ERC1: variants seen among roughly 807,000 people sequenced by gnomAD.
The protein encoded by ERC1 is RAB6 interacting protein 2.
A neutral mutation model predicts 132.0 loss-of-function variants in ERC1; 56 were observed. The observed-to-expected ratio is 0.42, with a 90% CI of 0.34 to 0.53. ERC1 has a LOEUF of 0.53. Among genes scored for constraint, ERC1 ranks in the 20% least tolerant of loss-of-function variants. The pLI is 0.03. For synonymous variants in ERC1, 478 were observed against 476.1 expected, an observed-to-expected ratio of 1.00 and a Z score of -0.05; for missense variants, 1,202 against 1,349.9, an observed-to-expected ratio of 0.89 and a Z score of 1.72.
chr12:1,378,888 T>C (rs2088270425), intron 16 of ERC1, among the ~76,000 whole-genome samples: 1 of 152,176 alleles, frequency 6.6e-6, no homozygotes, highest in Non-Finnish European at 1.5e-5. Context: ...AGTTAGGGTA[T>C]TTTATACCTA....
chr12:1,450,283 C>T (rs2093397454), intron 18 of ERC1, among the ~76,000 whole-genome samples: 1 of 152,174 alleles, frequency 6.6e-6, no homozygotes, highest in Admixed American at 6.5e-5. Flanking sequence ...CTCTTTTCAT[C>T]TTGCAGAACT....
intron 3 of ERC1, among the ~76,000 whole-genome samples, chr12:1,090,991 G>A (rs543576008): frequency 1.4e-5 from 2 of 138,846 alleles, no homozygotes; most frequent in East Asian, 2.3e-4. Context: ...TCCACCTCCC[G>A]GGTTCAAGCT....
intron 18 of ERC1, among the ~76,000 whole-genome samples, chr12:1,487,852 A>C (rs887069338): frequency 4.0e-5 from 6 of 151,862 alleles, no homozygotes; most frequent in African/African-American, 1.5e-4. Flanking sequence ...GGAAAGAGAG[A>C]AAAAGGCCAG....
intron 2 of ERC1, among the ~76,000 whole-genome samples, chr12:1,048,329 T>G (rs1971403196): frequency 1.3e-5 from 2 of 152,250 alleles, no homozygotes; most frequent in African/African-American, 4.8e-5. Flanking sequence ...AAAATGTGAC[T>G]GTGCAGGTTG....
intron 18 of ERC1, among the ~76,000 whole-genome samples, chr12:1,474,180 G>A (rs185333301): frequency 2.0e-5 from 3 of 152,216 alleles, no homozygotes; most frequent in Non-Finnish European, 4.4e-5. Context: ...CATCATGCCA[G>A]ATTACAGCTC....
intron 17 of ERC1, among the ~76,000 whole-genome samples, chr12:1,426,552 T>C (rs1047573029): frequency 1.3e-5 from 2 of 152,232 alleles, no homozygotes; most frequent in Non-Finnish European, 2.9e-5. Context: ...TCAATTACTT[T>C]TGAATAACTT....
rs142120804 is a variant in ERC1, at chr12:1,166,202, C to T, written c.1738-14338C>T. Among the ~76,000 whole-genome samples the T allele has an allele frequency of 3.3e-3, 508 of 152,234 alleles. 4 individuals are homozygous for T. The highest frequency in any genetic ancestry group is 0.012 in the African/African-American group (486 of 41,528). On this transcript the variant is annotated intron_variant, in intron 8 of 18. Transcript: ENST00000360905. ...GTTCCCATGTATTGTGCGAGGGACC[C>T]AGTGGGAGGCAATTGCATCATGGGA...
intron 8 of ERC1, among the ~76,000 whole-genome samples, chr12:1,143,329 CGTGTGTG>C (rs1950025727): frequency 7.8e-6 from 1 of 128,890 alleles, no homozygotes; most frequent in Admixed American, 8.0e-5. Context: ...GCTTTTGACT[CGTGTGTG>C]TGTGTGTGTG....
intron 7 of ERC1, among the ~76,000 whole-genome samples, chr12:1,138,275 C>T (rs1260012759): frequency 3.1e-5 from 4 of 128,428 alleles, no homozygotes; most frequent in South Asian, 2.4e-4. Flanking sequence ...AATATAATTA[C>T]AATATATGAT....
chr12:1,246,151 A>T (rs761526520), intron 13 of ERC1, among the ~76,000 whole-genome samples: 3 of 152,314 alleles, frequency 2.0e-5, no homozygotes, highest in Non-Finnish European at 4.4e-5. Flanking sequence ...TCGTAGATTT[A>T]TATGCATATA....
chr12:1,483,770 A>G (rs1280779786), intron 18 of ERC1, among the ~76,000 whole-genome samples: 11 of 133,978 alleles, frequency 8.2e-5, no homozygotes, highest in Non-Finnish European at 4.6e-5. Flanking sequence ...CCTTACTGCA[A>G]CCTCCGCCTC....
intron 1 of ERC1, among the ~76,000 whole-genome samples, chr12:1,001,118 T>C (rs1309559393): frequency 3.3e-5 from 5 of 152,176 alleles, no homozygotes; most frequent in Non-Finnish European, 5.9e-5. Flanking sequence ...GCTAGGCTGG[T>C]CTCAAACTCC....
At chr12:1,217,332 T>C (rs897951630) in intron 12 of ERC1, among the ~76,000 whole-genome samples, 1 of 152,198 alleles carries the variant, frequency 6.6e-6, no homozygotes, top group African/African-American at 2.4e-5. Flanking sequence ...ATAAATTGAT[T>C]CTGACTGTAC....
chr12:1,203,425 T>C (rs1359458900), intron 12 of ERC1, among the ~76,000 whole-genome samples: 3 of 152,234 alleles, frequency 2.0e-5, no homozygotes, highest in Non-Finnish European at 2.9e-5. Context: ...TCGTTTTGTT[T>C]CTGTTTTTCA....
intron 15 of ERC1, among the ~76,000 whole-genome samples, chr12:1,339,513 G>T (rs1595094236): frequency 6.8e-6 from 1 of 147,056 alleles, no homozygotes; most frequent in Non-Finnish European, 1.5e-5. Context: ...GCTAGCAGGT[G>T]CCCGGGTGCC....
intron 16 of ERC1, among the ~76,000 whole-genome samples, chr12:1,396,415 A>G (rs1347630305): frequency 2.0e-5 from 3 of 152,224 alleles, no homozygotes; most frequent in Non-Finnish European, 2.9e-5. Flanking sequence ...TGAATTCAAC[A>G]AACATATAAA....
intron 1 of ERC1, among the ~76,000 whole-genome samples, chr12:1,000,405 G>T (rs980185901): frequency 1.3e-5 from 2 of 151,352 alleles, no homozygotes; most frequent in Non-Finnish European, 2.9e-5. Flanking sequence ...AGAATTCCTT[G>T]AACCCTGGAG....
chr12:1,259,680 G>A (rs937411011), intron 13 of ERC1, among the ~76,000 whole-genome samples: 1 of 151,730 alleles, frequency 6.6e-6, no homozygotes, highest in Non-Finnish European at 1.5e-5. Context: ...CCGCCACAAC[G>A]CCCAGCTAAT....
chr12:1,186,949 G>A (rs911271882), intron 11 of ERC1, among the ~76,000 whole-genome samples: 10 of 152,150 alleles, frequency 6.6e-5, no homozygotes, highest in Non-Finnish European at 1.2e-4. Flanking sequence ...TTGTGCCACA[G>A]CCTCCCAAGT....
Sources: gnomAD v4.1 joint callset for allele counts (sites outside exome capture counted in the v4.1 genomes callset) on GRCh38, gnomAD v4.1.1 for gene constraint, MANE v1.5 for transcripts, NCBI Gene and HGNC (gene_info 2026-07-23, HGNC 2026-07-21) for gene names.